Variants in CNOT4 observed in about 807,000 individuals in gnomAD.
The protein encoded by CNOT4 is CCR4-associated factor 4.
CNOT4 carries 8 observed loss-of-function variants against 73.8 expected under a neutral mutation model. That is an observed-to-expected ratio of 0.11 (90% CI 0.06 to 0.20). CNOT4 has a LOEUF of 0.20. Ranked by LOEUF, CNOT4 falls within the 10% of genes least tolerant of loss-of-function variation. CNOT4 has a pLI of 1.00. For synonymous variants in CNOT4, 293 were observed against 321.1 expected, an observed-to-expected ratio of 0.91 and a Z score of 0.94; for missense variants, 564 against 883.4, an observed-to-expected ratio of 0.64 and a Z score of 4.58.
chr7:135,468,409 G>C (rs1801360494), intron 1 of CNOT4, among the ~76,000 whole-genome samples: 1 of 152,092 alleles, frequency 6.6e-6, no homozygotes. Context: ...AGCTGGGCGT[G>C]GTGGCTCACA....
At chr7:135,425,340 T>C (rs1798433553) in intron 2 of CNOT4, among the ~76,000 whole-genome samples, 2 of 152,208 alleles carry the variant, frequency 1.3e-5, no homozygotes, top group Non-Finnish European at 2.9e-5. Context: ...CAAAGTCATG[T>C]AATATTTGAA....
At chr7:135,447,800 A>G (rs1799919952) in intron 1 of CNOT4, among the ~76,000 whole-genome samples, 1 of 152,250 alleles carries the variant, frequency 6.6e-6, no homozygotes, top group South Asian at 2.1e-4. Context: ...CCAGGGAATA[A>G]GACAGCTGGG....
chr7:135,375,866 A>G (rs111828316), intron 10 of CNOT4, among the ~76,000 whole-genome samples: 5,351 of 152,252 alleles, frequency 0.035, 322 homozygotes, highest in African/African-American at 0.12. Context: ...CAGAGGTTGC[A>G]GTGAGCCGAG....
intron 1 of CNOT4, among the ~76,000 whole-genome samples, chr7:135,457,327 A>T (rs1339538044): frequency 6.6e-6 from 1 of 151,928 alleles, no homozygotes; most frequent in Admixed American, 6.6e-5. Flanking sequence ...GGAAAGAGAA[A>T]TGGAAGGAAG....
chr7:135,495,678 AAAAAAAAAAAAAAAAG>A lies in CNOT4; in HGVS notation c.-93+14195_-93+14210del, dbSNP rs1803455782. On this transcript the variant is annotated intron_variant, in intron 1 of 11. Coordinates refer to ENST00000541284, the MANE Select transcript of CNOT4 (RefSeq NM_001190850.2). ...GAGTGAGACCCTGTGTCAAAAAAAAAAAAAAAAAAAAAAAAGAAAGAAAGAAAGAAAGAAAGAAAGA... is the reference window on the plus strand; with the variant it reads ...GAGTGAGACCCTGTGTCAAAAAAAAAAAAGAAAGAAAGAAAGAAAGAAAGA... Among the ~76,000 whole-genome samples, 306 of 94,942 alleles carry A rather than the reference AAAAAAAAAAAAAAAAG, an allele frequency of 3.2e-3. 1 individual carries two copies. The highest frequency in any genetic ancestry group is 5.2e-3 in the Non-Finnish European group (240 of 46,056). 62.3% of individuals were successfully genotyped at this position (94,942 alleles called of 152,430 possible). A position where few individuals can be genotyped will look rare whatever the true frequency, so the allele number is the denominator to read the frequency against.
At chr7:135,461,304 A>T (rs1039788617) in intron 1 of CNOT4, among the ~76,000 whole-genome samples, 1 of 152,198 alleles carries the variant, frequency 6.6e-6, no homozygotes, top group Non-Finnish European at 1.5e-5. Context: ...CAAAAAAGAA[A>T]TAAGCAATTT....
intron 1 of CNOT4, among the ~76,000 whole-genome samples, chr7:135,466,978 A>T (rs1801262686): frequency 6.6e-6 from 1 of 152,200 alleles, no homozygotes; most frequent in Non-Finnish European, 1.5e-5. Flanking sequence ...AAAACTAGCC[A>T]TATTGTTAAG....
At chr7:135,379,923 A>C (rs1285440962) in intron 10 of CNOT4, among the ~76,000 whole-genome samples, 1 of 136,040 alleles carries the variant, frequency 7.4e-6, no homozygotes, top group Non-Finnish European at 1.6e-5. Flanking sequence ...TTCAGTATGC[A>C]AGTCTGATAA....
At chr7:135,389,735 T>A (rs1042079711) in intron 10 of CNOT4, among the ~76,000 whole-genome samples, 1 of 152,152 alleles carries the variant, frequency 6.6e-6, no homozygotes, top group African/African-American at 2.4e-5. Context: ...TTGAGGTATA[T>A]CTTGAAACAA....
At chr7:135,403,284 G>A (rs532734545) in intron 7 of CNOT4, among the ~76,000 whole-genome samples, 1 of 152,166 alleles carries the variant, frequency 6.6e-6, no homozygotes, top group East Asian at 1.9e-4. Flanking sequence ...GAGTCCCTAA[G>A]TAATTCTGAG....
intron 1 of CNOT4, among the ~76,000 whole-genome samples, chr7:135,483,243 T>A (rs910905330): frequency 6.7e-6 from 1 of 149,736 alleles, no homozygotes; most frequent in Non-Finnish European, 1.5e-5. Context: ...GAGGCTGAGG[T>A]GGGAAGATTG....
chr7:135,458,481 T>A (rs192192029), intron 1 of CNOT4, among the ~76,000 whole-genome samples: 7 of 149,776 alleles, frequency 4.7e-5, no homozygotes, highest in Non-Finnish European at 1.0e-4. Flanking sequence ...CCATTGACTC[T>A]CTCTTTCACG....
chr7:135,417,606 G>A (rs758900464), intron 3 of CNOT4, among the ~76,000 whole-genome samples: 76 of 152,170 alleles, frequency 5.0e-4, no homozygotes, highest in Non-Finnish European at 9.0e-4. Context: ...TAATTATGAT[G>A]ACATGTTCAC....
intron 2 of CNOT4, among the ~76,000 whole-genome samples, chr7:135,436,463 T>C (rs1003569372): frequency 6.6e-6 from 1 of 151,930 alleles, no homozygotes; most frequent in African/African-American, 2.4e-5. Context: ...TAGTTCAATA[T>C]GATTGTCTTC....
At chr7:135,383,475 AG>A (rs1232260049) in intron 10 of CNOT4, among the ~76,000 whole-genome samples, 4 of 152,164 alleles carry the variant, frequency 2.6e-5, no homozygotes. Context: ...GCTTTGAGGA[AG>A]GAAGTTTTCC....
At chr7:135,504,117 G>C (rs1804180655) in intron 1 of CNOT4, among the ~76,000 whole-genome samples, 1 of 152,094 alleles carries the variant, frequency 6.6e-6, no homozygotes, top group Non-Finnish European at 1.5e-5. Context: ...TCCAAACTCT[G>C]AAAAACATGC....
chr7:135,379,427 G>A (rs1795713175), intron 10 of CNOT4, among the ~76,000 whole-genome samples: 2 of 152,082 alleles, frequency 1.3e-5, no homozygotes, highest in Non-Finnish European at 2.9e-5. Flanking sequence ...GAAGACTATG[G>A]GTAGATTAAT....
intron 1 of CNOT4, among the ~76,000 whole-genome samples, chr7:135,508,421 A>G (rs1317020172): frequency 6.6e-6 from 1 of 152,224 alleles, no homozygotes; most frequent in Non-Finnish European, 1.5e-5. Flanking sequence ...AAATGCATGT[A>G]TGTGCACAGC....
intron 7 of CNOT4, among the ~76,000 whole-genome samples, chr7:135,402,645 CAA>C (rs1404656633): frequency 1.3e-5 from 2 of 152,256 alleles, no homozygotes; most frequent in African/African-American, 4.8e-5. Flanking sequence ...CAAGACTCCT[CAA>C]AGTCTCTCAA....
Sources: gnomAD v4.1 joint callset for allele counts (sites outside exome capture counted in the v4.1 genomes callset) on GRCh38, gnomAD v4.1.1 for gene constraint, MANE v1.5 for transcripts, NCBI Gene and HGNC (gene_info 2026-07-23, HGNC 2026-07-21) for gene names.